The following FASN variants were observed in gnomAD, a reference collection of about 807,000 sequenced individuals.
The protein encoded by FASN is fatty acid synthase.
FASN carries 50 observed loss-of-function variants against 250.0 expected under a neutral mutation model. The observed-to-expected ratio is 0.20, with a 90% CI of 0.16 to 0.25. The LOEUF (loss-of-function observed/expected upper bound fraction) is 0.25. FASN is among the 10% of genes least tolerant of loss of function. FASN has a pLI of 1.00. For missense variants in FASN, 3,031 were observed against 3,498.5 expected (o/e 0.87, Z 3.37); for synonymous variants, 1,909 against 1,584.0 (o/e 1.21, Z -4.87).
intron 22 of FASN, 105 bp from the exon 23 acceptor site, chr17:82,085,976 CG>C: frequency 7.3e-7 from 1 of 1,364,940 alleles, no homozygotes; most frequent in South Asian, 1.5e-5. Context: ...AAGGCTTCCC[CG>C]TCAACCTGAT....
At position 82,087,963 on chromosome 17, in the gene FASN, C is replaced by T; in HGVS notation, c.2857G>A (p.Val953Ile). ...CACCGGCCCTGCTTACCACTCACTA[C>T]CAGGTTGCCGTTCTCTGACACCTCG... ...AFEVSENGNL[V>I]VSGKVYQWDD... is the part of the protein sequence containing the mutation. The change falls in exon 18 of 43, where the codon GTA becomes ATA. Residue 953 changes from valine (V) to isoleucine (I), a missense_variant. Val to Ile is a conservative substitution (Grantham distance 29). Coordinates refer to ENST00000306749, the MANE Select transcript of FASN (RefSeq NM_004104.5). 1 of 1,612,732 alleles carries T rather than the reference C, an allele frequency of 6.2e-7. No homozygotes were observed.
intron 21 of FASN, among the ~76,000 whole-genome samples, chr17:82,086,847 G>A (rs2034111689): frequency 6.6e-6 from 1 of 151,342 alleles, no homozygotes; most frequent in African/African-American, 2.4e-5. Flanking sequence ...TTTCAAGACT[G>A]AGGAACAGTG....
Position 82,080,527 on chromosome 17 carries a change from T to G in FASN, c.6890A>C (p.Gln2297Pro). Residue 2297 changes from glutamine (Q) to proline (P), a missense_variant, in exon 40 of 43, where the codon CAG becomes CCG. Transcript: ENST00000306749. ...AYYIDCIRQV[Q>P]PEGPYRVAGY... ...GGCCACGCGGTAGGGGCCCTCGGGC[T>G]GCACCTGCCTGATGCAGTCGATGTA... 1 of 1,561,192 alleles carries G rather than the reference T, an allele frequency of 6.4e-7. No individual in the cohort carries two copies. The highest frequency in any genetic ancestry group is 8.7e-7 in the Non-Finnish European group (1 of 1,153,792).
rs1411996153 is a variant in FASN, at chr17:82,078,473, A to G, written c.*670T>C. 1 of 153,628 alleles carries G rather than the reference A, an allele frequency of 6.5e-6. No individual in the cohort carries two copies. The highest frequency in any genetic ancestry group is 1.4e-5 in the Non-Finnish European group (1 of 69,160). The allele number at this position is 153,628 out of a possible 1,614,324, so 9.5% of individuals were successfully genotyped here. A position where few individuals can be genotyped will look rare whatever the true frequency, so the allele number is the denominator to read the frequency against. On this transcript the variant is annotated 3_prime_UTR_variant, in exon 43 of 43. Transcript: ENST00000306749. This position sits in a 1 kb window ranked among gnomAD's most constrained non-coding sequence, Gnocchi z 5.4. Reference sequence around the variant, plus strand: ...CAAAATCCAAGCAGCAATTTGAATCATTTCTTGAAAAACAAACACAGACAA... The same window carrying G: ...CAAAATCCAAGCAGCAATTTGAATCGTTTCTTGAAAAACAAACACAGACAA...
chr17:82,082,570 G>A lies in FASN; in HGVS notation c.5876C>T (p.Ala1959Val), dbSNP rs780341373. ...GCCGCCCACGGGCCCAAGCTGCGCCGCCTCGGCAATGAGGCCCCGGGCCCC... is the reference window on the plus strand; with the variant it reads ...GCCGCCCACGGGCCCAAGCTGCGCCACCTCGGCAATGAGGCCCCGGGCCCC... ...LEGARGLIAE[A>V]AQLGPVGGVF... is the part of the protein sequence containing the mutation. The change falls in exon 34 of 43, where the codon GCG becomes GTG. Residue 1959 changes from alanine to valine, a missense_variant. Ala to Val is a moderately conservative substitution (Grantham distance 64). Transcript: ENST00000306749. The A allele has an allele frequency of 1.3e-5, 21 of 1,609,150 alleles. No individual in the cohort carries two copies. The highest frequency in any genetic ancestry group is 4.0e-5 in the African/African-American group (3 of 74,928).
Position 82,083,115 on chromosome 17 carries a change from C to T in FASN, c.5566G>A (p.Val1856Met), listed in dbSNP as rs2034021533. 6.2e-7 allele frequency: 1 copy of T among 1,610,160 alleles called. No homozygotes were observed. The highest frequency in any genetic ancestry group is 1.7e-5 in the Admixed American group (1 of 59,994). The stretch of plus-strand genomic sequence containing the variant: ...ACTGCCTCCGGCTCCTCCGCAAGCA[C>T]CTGCGTCCAAGCAGCACCCACCGGC... ...GKHIGKVVVQ[V>M]LAEEPEAVLK... The change falls in exon 33 of 43, where the codon GTG becomes ATG. Residue 1856 changes from valine (V) to methionine (M), a missense_variant and splice_region_variant. Physicochemically the swap from Val to Met is conservative, Grantham distance 21. Transcript: ENST00000306749.
rs1190186795 is a variant in FASN, at chr17:82,092,556, G to A, written c.928C>T (p.Arg310Ter). The change falls in exon 8 of 43, where the codon CGA becomes TGA. Residue 310 changes from arginine (R) to a stop codon, truncating the protein, a stop_gained. Transcript: ENST00000306749. LOFTEE classifies it high-confidence loss of function. Reference sequence around the variant, plus strand: ...TCCTGGCGGGTGGCGCACAGGGCTCGGGTGATGCCATTCAGCTCCTGGGGG... The same window carrying A: ...TCCTGGCGGGTGGCGCACAGGGCTCAGGTGATGCCATTCAGCTCCTGGGGG... Reference protein sequence around the residue: ...GDPQELNGITRALCATRQEPL... With the variant: ...GDPQELNGIT 1.9e-6 allele frequency: 3 copies of A among 1,606,908 alleles called. No homozygotes were observed. The highest frequency in any genetic ancestry group is 1.7e-5 in the Admixed American group (1 of 59,778).
rs754635525 is a variant in FASN at position 82,085,336 on chromosome 17, C to T, written c.4189G>A (p.Gly1397Ser). The T allele has an allele frequency of 6.8e-6, 11 of 1,611,548 alleles. No homozygotes were observed. Among genetic ancestry groups the T allele is most frequent in the Non-Finnish European group, 9.3e-6 (11 of 1,179,538 alleles). Residue 1397 changes from glycine (G) to serine (S), a missense_variant, in exon 24 of 43, where the codon GGC becomes AGC. Coordinates refer to ENST00000306749, the MANE Select transcript of FASN (RefSeq NM_004104.5). ...RLVGLKKSFY[G>S]STLFLCRRPT... ...CGGCGGCACAGGAAGAGCGTGGAGC[C>T]GTAGAAGGACTTCTTCAGGCCCACC...
chr17:82,080,394 G>A lies in FASN; in HGVS notation c.7023C>T (p.Pro2341=). Residue 2341 remains proline, a synonymous_variant, in exon 40 of 43, where the codon CCC becomes CCT. Coordinates refer to ENST00000306749, the MANE Select transcript of FASN (RefSeq NM_004104.5). ...HNSLFLFDGS[P]TYVLAYTQSY... ...CCTGGGTGTAGGCCAGTACGTAGGT[G>A]GGCGAGCCGTCGAACAGGAAGAGGC... The A allele has an allele frequency of 1.2e-6, 2 of 1,603,176 alleles. No homozygotes were observed. The highest frequency in any genetic ancestry group is 1.7e-6 in the Non-Finnish European group (2 of 1,175,548).
rs1442458603 is a variant in FASN at position 82,086,572 on chromosome 17, G to GAGGC, written c.3428-18_3428-15dup. On this transcript the variant is annotated splice_polypyrimidine_tract_variant and intron_variant, in intron 21 of 42. Transcript: ENST00000306749. ...CCTGCACCAGCCCTGGGGAGGGAGG[G>GAGGC]AGGCAGGCCTGGTGTTCCCAAAGCC... 2 of 1,596,396 alleles carry GAGGC rather than the reference G, an allele frequency of 1.3e-6. No individual in the cohort carries two copies. The highest frequency in any genetic ancestry group is 1.1e-5 in the South Asian group (1 of 90,718).
Position 82,084,532 on chromosome 17 carries a change from C to G in FASN, c.4749G>C (p.Leu1583=), listed in dbSNP as rs758119188. ...FRDIMLATGK[L]SPDAIPGKWT... ...CCATACCTGGGATGGCATCAGGGGA[C>G]AGCTTGCCAGTGGCCAGCATGATGT... The change falls in exon 27 of 43, where the codon CTG becomes CTC. Residue 1583 remains leucine, a synonymous_variant. Transcript: ENST00000306749. The G allele has an allele frequency of 3.1e-6, 5 of 1,610,652 alleles. No individual in the cohort carries two copies. Among genetic ancestry groups the G allele is most frequent in the Non-Finnish European group, 4.2e-6 (5 of 1,179,136 alleles).
In FASN at chr17:82,079,083, G is replaced by T; in HGVS notation, c.*60C>A. 6.8e-7 allele frequency: 1 copy of T among 1,474,558 alleles called. No homozygotes were observed. The highest frequency in any genetic ancestry group is 9.2e-7 in the Non-Finnish European group (1 of 1,092,290). The allele number at this position is 1,474,558 out of a possible 1,614,324, so 91.3% of individuals were successfully genotyped here. A position where few individuals can be genotyped will look rare whatever the true frequency, so the allele number is the denominator to read the frequency against. On this transcript the variant is annotated 3_prime_UTR_variant, in exon 43 of 43. Transcript: ENST00000306749. ...CCTTCAATCCCGTTGCATGGCGGGGGTGGGGTGGGGTGGGGTGGGGATGGT... is the reference window on the plus strand; with the variant it reads ...CCTTCAATCCCGTTGCATGGCGGGGTTGGGGTGGGGTGGGGTGGGGATGGT...
rs1198850669 is a variant in FASN, at chr17:82,090,885, G to C, written c.1677C>G (p.Ile559Met). 7 of 1,585,008 alleles carry C rather than the reference G, an allele frequency of 4.4e-6. No homozygotes were observed. Among genetic ancestry groups the C allele is most frequent in the Non-Finnish European group, 6.0e-6 (7 of 1,166,796 alleles). ...ACGCTGGCAGGCTGGGCCCTACCTG[G>C]ATGGCAGTCAGGCTCACAAACGAAT... is the stretch of plus-strand genomic sequence containing the variant. ...IVHSFVSLTA[I>M]QIGLIDLLSC... Residue 559 changes from isoleucine to methionine, a missense_variant, in exon 10 of 43, where the codon ATC becomes ATG. Transcript: ENST00000306749.
Position 82,085,780 on chromosome 17 carries a change from C to T in FASN, c.3824G>A (p.Arg1275His), listed in dbSNP as rs527625651. Residue 1275 changes from arginine to histidine, a missense_variant, in exon 23 of 43, where the codon CGC becomes CAC. Physicochemically the swap from Arg to His is conservative, Grantham distance 29. Transcript: ENST00000306749. ...LLQLSYTATDRHPQALEAAQA... is the reference protein window; with the variant it reads ...LLQLSYTATDHHPQALEAAQA... ...GGCAGCCTCCAGGGCCTGGGGGTGG[C>T]GGTCGGTGGCCGTGTAGCTCAGCTG... 2.5e-5 allele frequency: 39 copies of T among 1,561,910 alleles called. No homozygotes were observed. Among genetic ancestry groups the T allele is most frequent in the South Asian group, 2.5e-4 (21 of 85,314 alleles).
At chr17:82,085,954 C>T in intron 22 of FASN, 83 bp from the exon 23 acceptor site, 1 of 1,419,962 alleles carries the variant, frequency 7.0e-7, no homozygotes. Context: ...CATGAGGCCT[C>T]AGTCTGGCAG....
In FASN at chr17:82,085,349, C is replaced by T; in HGVS notation, c.4176G>A (p.Lys1392=). 2 of 1,611,702 alleles carry T rather than the reference C, an allele frequency of 1.2e-6. No individual in the cohort carries two copies. The highest frequency in any genetic ancestry group is 1.7e-6 in the Non-Finnish European group (2 of 1,179,620). The change falls in exon 24 of 43, where the codon AAG becomes AAA. Residue 1392 remains lysine (K), a synonymous_variant. Coordinates refer to ENST00000306749, the MANE Select transcript of FASN (RefSeq NM_004104.5). ...SRVSLRLVGL[K]KSFYGSTLFL... ...AGAGCGTGGAGCCGTAGAAGGACTTCTTCAGGCCCACCAGGCGCAGCGACA... is the reference window on the plus strand; with the variant it reads ...AGAGCGTGGAGCCGTAGAAGGACTTTTTCAGGCCCACCAGGCGCAGCGACA...
Position 82,089,146 on chromosome 17 carries a change from T to C in FASN, c.2127A>G (p.Ser709=). ...KKVIREPKPR[S]ARWLSTSIPE... The stretch of plus-strand genomic sequence containing the variant: ...GGATAGAGGTGCTGAGCCAGCGGGC[T>C]GAACGTGGCTTCGGCTCCCGGATCA... The change falls in exon 14 of 43, where the codon TCA becomes TCG. Residue 709 remains serine (S), a synonymous_variant. Coordinates refer to ENST00000306749, the MANE Select transcript of FASN (RefSeq NM_004104.5). The C allele has an allele frequency of 6.4e-7, 1 of 1,570,792 alleles. No individual in the cohort carries two copies. The highest frequency in any genetic ancestry group is 1.2e-5 in the South Asian group (1 of 86,706).
chr17:82,093,262 C>T lies in FASN; in HGVS notation c.612G>A (p.Gly204=), dbSNP rs1181512353. The T allele has an allele frequency of 6.3e-7, 1 of 1,594,664 alleles. No individual in the cohort carries two copies. Among genetic ancestry groups the T allele is most frequent in the East Asian group, 2.3e-5 (1 of 44,096 alleles). The change falls in exon 5 of 43, where the codon GGG becomes GGA. Residue 204 remains glycine (G), a synonymous_variant. Coordinates refer to ENST00000306749, the MANE Select transcript of FASN (RefSeq NM_004104.5). ...PNTSVQFLRL[G]MLSPEGTCKA... The stretch of plus-strand genomic sequence containing the variant: ...TGCAGGTGCCCTCGGGGCTGAGCAT[C>T]CCCAGCCTCAAGAACTGCACGGAGG...
rs764986266 is a variant in FASN, at chr17:82,086,476, G to A, written c.3510C>T (p.Pro1170=). 7 of 1,612,390 alleles carry A rather than the reference G, an allele frequency of 4.3e-6. No individual in the cohort carries two copies. The highest frequency in any genetic ancestry group is 1.7e-4 in the Middle Eastern group (1 of 6,028). ...VVPGLDGAQI[P]RDPSQQELPR... ...GCAGTTCCTGCTGTGAGGGGTCCCG[G>A]GGGATCTGGGCCCCATCCAGTCCGG... Residue 1170 remains proline, a synonymous_variant, in exon 22 of 43, where the codon CCC becomes CCT. Coordinates refer to ENST00000306749, the MANE Select transcript of FASN (RefSeq NM_004104.5).
Sources: gnomAD v4.1 joint callset for allele counts (sites outside exome capture counted in the v4.1 genomes callset) on GRCh38, gnomAD v4.1.1 for gene constraint, Gnocchi (gnomAD v3.1) non-coding constraint, MANE v1.5 for transcripts, NCBI Gene and HGNC (gene_info 2026-07-23, HGNC 2026-07-21) for gene names.